NRXN1: variants seen among roughly 807,000 people sequenced by gnomAD.
NRXN1 encodes the protein neurexin-1.
NRXN1 carries 39 observed loss-of-function variants against 150.9 expected under a neutral mutation model. The observed-to-expected ratio is 0.26, with a 90% CI of 0.20 to 0.34. The LOEUF (loss-of-function observed/expected upper bound fraction) is 0.34. Ranked by LOEUF, NRXN1 falls within the 10% of genes least tolerant of loss-of-function variation. NRXN1 has a pLI of 1.00. For missense variants in NRXN1, 1,815 were observed against 1,949.9 expected (o/e 0.93, Z 1.30); for synonymous variants, 924 against 757.0 (o/e 1.22, Z -3.62).
intron 2 of NRXN1, among the ~76,000 whole-genome samples, chr2:50,930,336 T>C (rs769739746): frequency 6.6e-6 from 1 of 152,080 alleles, no homozygotes; most frequent in Admixed American, 6.6e-5. Context: ...ATTTGTGGTA[T>C]TTAATTCAAA....
intron 8 of NRXN1, among the ~76,000 whole-genome samples, chr2:50,596,780 G>C (rs901148542): frequency 6.6e-6 from 1 of 151,042 alleles, no homozygotes; most frequent in East Asian, 2.0e-4. Flanking sequence ...ATTCAGTAGG[G>C]ATTTCCCTAG....
chr2:50,340,025 T>A (rs1280296775), intron 17 of NRXN1, among the ~76,000 whole-genome samples: 1 of 152,222 alleles, frequency 6.6e-6, no homozygotes, highest in East Asian at 1.9e-4. Flanking sequence ...ACCCTGCCTT[T>A]TATATTGTCA....
At chr2:50,412,457 T>A (rs1363581444) in intron 17 of NRXN1, among the ~76,000 whole-genome samples, 1 of 152,106 alleles carries the variant, frequency 6.6e-6, no homozygotes, top group African/African-American at 2.4e-5. Flanking sequence ...TTACTGATAA[T>A]GATTCTGCAA....
At chr2:50,348,655 T>C (rs2078211952) in intron 17 of NRXN1, among the ~76,000 whole-genome samples, 2 of 152,146 alleles carry the variant, frequency 1.3e-5, no homozygotes, top group South Asian at 4.1e-4. Context: ...AAGCTGTGTG[T>C]CCTAGATGAA....
chr2:50,898,627 T>C (rs781737415), intron 5 of NRXN1: 30 of 467,268 alleles, frequency 6.4e-5, no homozygotes, highest in Non-Finnish European at 1.2e-4. Flanking sequence ...GAGGTTATCA[T>C]TCAATTGTTC....
chr2:50,270,455 C>A (rs1414289007), intron 17 of NRXN1, among the ~76,000 whole-genome samples: 3 of 151,906 alleles, frequency 2.0e-5, no homozygotes, highest in Non-Finnish European at 4.4e-5. Flanking sequence ...CTAAACTATG[C>A]AAAAGGATTT....
chr2:50,071,671 C>T (rs540377005), intron 19 of NRXN1, among the ~76,000 whole-genome samples: 1 of 152,182 alleles, frequency 6.6e-6, no homozygotes, highest in East Asian at 1.9e-4. Flanking sequence ...AGCTACCACT[C>T]TGTGGTATTT....
Position 50,998,130 on chromosome 2 carries a change from A to G in NRXN1, c.772+29372T>C, listed in dbSNP as rs1699566264. Among the ~76,000 whole-genome samples the G allele has an allele frequency of 3.5e-5, 5 of 141,486 alleles. 2 individuals carry two copies. The highest frequency in any genetic ancestry group is 1.2e-4 in the African/African-American group (4 of 33,644). 92.8% of individuals were successfully genotyped at this position (141,486 alleles called of 152,430 possible). On this transcript the variant is annotated intron_variant, in intron 2 of 22. Coordinates refer to ENST00000401669, the MANE Select transcript of NRXN1 (RefSeq NM_001330078.2). ...TTTCTGACAAGTTTTGTGTTACTTC[A>G]TATCTTCCTTATTTAATCCTGGCCA...
At chr2:50,834,383 G>C (rs1431526024) in intron 5 of NRXN1, among the ~76,000 whole-genome samples, 1 of 152,126 alleles carries the variant, frequency 6.6e-6, no homozygotes, top group Admixed American at 6.6e-5. Flanking sequence ...TGGTTTTGCA[G>C]TTTTGAAGGA....
chr2:50,289,348 G>A (rs2072608478), intron 17 of NRXN1, among the ~76,000 whole-genome samples: 1 of 151,820 alleles, frequency 6.6e-6, no homozygotes, highest in African/African-American at 2.4e-5. Flanking sequence ...GATCTGGGTA[G>A]CTGTGATTAC....
intron 10 of NRXN1, among the ~76,000 whole-genome samples, chr2:50,537,322 A>G (rs1289697562): frequency 2.6e-5 from 4 of 152,162 alleles, no homozygotes; most frequent in Non-Finnish European, 5.9e-5. Flanking sequence ...ATATTTTTTC[A>G]TATTGATTTT....
chr2:50,694,408 CA>C (rs1692520425), intron 5 of NRXN1, among the ~76,000 whole-genome samples: 1 of 152,128 alleles, frequency 6.6e-6, no homozygotes, highest in Admixed American at 6.5e-5. Context: ...ATAAATCAGT[CA>C]ACTTCTAAGC....
intron 5 of NRXN1, among the ~76,000 whole-genome samples, chr2:50,683,646 A>AAAAAAAAAAAAATATATATATAT: frequency 4.0e-4 from 6 of 14,908 alleles, no homozygotes; most frequent in African/African-American, 1.1e-3. Flanking sequence ...AAAAAAAAAA[A>AAAAAAAAAAAAATATATATATAT]ATATATATAT....
chr2:50,351,827 T>C (rs1451519864), intron 17 of NRXN1, among the ~76,000 whole-genome samples: 1 of 152,174 alleles, frequency 6.6e-6, no homozygotes, highest in Non-Finnish European at 1.5e-5. Context: ...CTGTCATATT[T>C]GCTTCAGGAA....
intron 15 of NRXN1, among the ~76,000 whole-genome samples, chr2:50,478,498 T>A (rs897865104): frequency 2.0e-5 from 3 of 152,202 alleles, no homozygotes; most frequent in Non-Finnish European, 4.4e-5. Context: ...CTCCATTTTT[T>A]AAAAGATTAA....
chr2:50,739,936 T>C (rs1293904702), intron 5 of NRXN1, among the ~76,000 whole-genome samples: 1 of 152,206 alleles, frequency 6.6e-6, no homozygotes, highest in Non-Finnish European at 1.5e-5. Context: ...TATCTGTGAT[T>C]TAAAAAAATC....
At chr2:50,997,512 T>C (rs1257667236) in intron 2 of NRXN1, among the ~76,000 whole-genome samples, 1 of 114,796 alleles carries the variant, frequency 8.7e-6, no homozygotes, top group Non-Finnish European at 1.7e-5. Flanking sequence ...AAACATTTTA[T>C]TTTATTTATT....
intron 5 of NRXN1, among the ~76,000 whole-genome samples, chr2:50,878,252 T>C (rs1678902517): frequency 6.6e-6 from 1 of 151,960 alleles, no homozygotes; most frequent in South Asian, 2.1e-4. Context: ...GCTTCACAGT[T>C]TTCTTCAGTT....
intron 5 of NRXN1, among the ~76,000 whole-genome samples, chr2:50,920,514 GCATA>G (rs1329005517): frequency 6.6e-6 from 1 of 151,666 alleles, no homozygotes; most frequent in Non-Finnish European, 1.5e-5. Context: ...ATACACATAT[GCATA>G]CATACAAACA....
Sources: gnomAD v4.1 joint callset for allele counts (sites outside exome capture counted in the v4.1 genomes callset) on GRCh38, gnomAD v4.1.1 for gene constraint, MANE v1.5 for transcripts, NCBI Gene and HGNC (gene_info 2026-07-23, HGNC 2026-07-21) for gene names.